The following ANO1 variants were observed in gnomAD, a reference collection of about 807,000 sequenced individuals.
The protein encoded by ANO1 is anoctamin-1.
In ANO1, 59 loss-of-function variants were observed where a neutral mutation model predicts 124.0. The ratio of observed to expected loss-of-function variants is 0.48; its 90% CI spans 0.39 to 0.59. The LOEUF is 0.59. ANO1 is among the 20% of genes least tolerant of loss of function. The pLI is 0.00. For synonymous variants in ANO1, 529 were observed against 532.0 expected (o/e 0.99, Z 0.08); for missense variants, 1,059 against 1,328.0 (o/e 0.80, Z 3.15).
At chr11:70,160,113 T>G (rs1051983811) in intron 16 of ANO1, among the ~76,000 whole-genome samples, 1 of 152,100 alleles carries the variant, frequency 6.6e-6, no homozygotes, top group African/African-American at 2.4e-5. Flanking sequence ...TGGGCCTGCC[T>G]GTCCTGGGAG....
At chr11:70,185,483 G>T in intron 24 of ANO1, 107 bp from the exon 25 acceptor site, 1 of 991,924 alleles carries the variant, frequency 1.0e-6, no homozygotes, top group Non-Finnish European at 1.5e-6. Flanking sequence ...GGAGGCAGCC[G>T]CACACCAAGC....
At chr11:69,978,388 T>C in the ANO1 span, among the ~76,000 whole-genome samples, 4 of 152,160 alleles carry the variant, frequency 2.6e-5, no homozygotes, top group South Asian at 6.2e-4. Flanking sequence ...TCACTCCCGG[T>C]AGTGCAGGCT....
At chr11:69,975,369 C>T in the ANO1 span, among the ~76,000 whole-genome samples, 1 of 152,214 alleles carries the variant, frequency 6.6e-6, no homozygotes, top group African/African-American at 2.4e-5. Flanking sequence ...GCCTACTACG[C>T]CCTCCCTGTG....
intron 1 of ANO1, among the ~76,000 whole-genome samples, chr11:69,999,741 G>A (rs1026113848): frequency 8.5e-5 from 13 of 152,190 alleles, no homozygotes; most frequent in Admixed American, 8.5e-4. Context: ...AATGAATGAG[G>A]CATTTGTACT....
At chr11:70,135,343 C>A (rs1033525323) in intron 11 of ANO1, among the ~76,000 whole-genome samples, 2 of 152,224 alleles carry the variant, frequency 1.3e-5, no homozygotes, top group Admixed American at 6.5e-5. Context: ...TCATGCTATT[C>A]CCATGAGTTA....
intron 6 of ANO1, chr11:70,111,108 T>C (rs1277962250): frequency 6.6e-6 from 3 of 456,572 alleles, no homozygotes; most frequent in South Asian, 4.6e-5. Context: ...ACCTCACTAA[T>C]AGCCAATGTA....
chr11:70,172,415 C>T (rs1023958991), intron 22 of ANO1, among the ~76,000 whole-genome samples: 1 of 152,154 alleles, frequency 6.6e-6, no homozygotes, highest in Non-Finnish European at 1.5e-5. Context: ...TCAAATTTAA[C>T]ACAATTTTAG....
At chr11:70,103,605 A>G (rs1343167804) in intron 3 of ANO1, among the ~76,000 whole-genome samples, 1 of 152,212 alleles carries the variant, frequency 6.6e-6, no homozygotes, top group Non-Finnish European at 1.5e-5. Context: ...GTATCTAAAA[A>G]GCAGTTTGAC....
Position 70,019,237 on chromosome 11 carries a change from A to AC in ANO1, c.58+33078dup, listed in dbSNP as rs200316253. Among the ~76,000 whole-genome samples the AC allele has an allele frequency of 1.7e-3, 119 of 68,724 alleles. 3 individuals carry two copies. Among genetic ancestry groups the AC allele is most frequent in the African/African-American group, 4.8e-3 (102 of 21,186 alleles). The allele number at this position is 68,724 out of a possible 152,430, so 45.1% of individuals were successfully genotyped here. On this transcript the variant is annotated intron_variant, in intron 1 of 27. Coordinates refer to the ANO1 transcript ENST00000531349. Reference sequence around the variant, plus strand: ...TGGGATGCAGGGGAGGGAAAGAAGAACCCCCCCACACACACACACACACAC... The same window carrying AC: ...TGGGATGCAGGGGAGGGAAAGAAGAACCCCCCCCACACACACACACACACAC...
rs1555008734 is a variant in ANO1, at chr11:70,067,323, G to GGTTTTTTTTT, written c.59-11219_59-11218insGTTTTTTTTT. Among the ~76,000 whole-genome samples the GGTTTTTTTTT allele has an allele frequency of 1.6e-5, 2 of 126,536 alleles. 1 individual carries two copies. The allele number at this position is 126,536 out of a possible 152,430, so 83.0% of individuals were successfully genotyped here. ...TCCAAGGGGACAAGGAATCGTGGGT[G>GGTTTTTTTTT]TTTTTTTTTTTTTTTTTTTTTTGAG... On this transcript the variant is annotated intron_variant, in intron 1 of 27. Transcript: ENST00000531349.
chr11:70,065,411 C>T (rs1422682499), intron 1 of ANO1: 1 of 152,328 alleles, frequency 6.6e-6, no homozygotes, highest in Non-Finnish European at 1.5e-5. Flanking sequence ...CTCGCTGAAT[C>T]CAGGAGCAGC....
intron 8 of ANO1, among the ~76,000 whole-genome samples, chr11:70,123,008 G>A (rs947446292): frequency 2.0e-5 from 3 of 152,198 alleles, no homozygotes; most frequent in African/African-American, 4.8e-5. Flanking sequence ...ACGCACTGAT[G>A]CAGAAACACC....
At chr11:69,977,678 G>A in the ANO1 span, among the ~76,000 whole-genome samples, 779 of 152,278 alleles carry the variant, frequency 5.1e-3, 7 homozygotes, top group African/African-American at 0.018. Flanking sequence ...CTGGGGACAC[G>A]GACTTACCCT....
intron 2 of ANO1, among the ~76,000 whole-genome samples, chr11:70,093,242 A>C (rs1163946596): frequency 3.2e-3 from 262 of 80,838 alleles, no homozygotes; most frequent in African/African-American, 4.7e-3. Flanking sequence ...CCTCTTTTTC[A>C]CTCTACCCCC....
chr11:69,989,322 C>A (rs782069034), intron 1 of ANO1, among the ~76,000 whole-genome samples: 2 of 152,204 alleles, frequency 1.3e-5, no homozygotes, highest in Non-Finnish European at 2.9e-5. Flanking sequence ...CTTTCACCCA[C>A]AGAGCTATTG....
In ANO1 at chr11:70,088,037, G is replaced by A. The variant is rs868840034; in HGVS notation, c.394G>A (p.Glu132Lys). 1 of 1,479,212 alleles carries A rather than the reference G, an allele frequency of 6.8e-7. No individual in the cohort carries two copies. The highest frequency in any genetic ancestry group is 9.0e-7 in the Non-Finnish European group (1 of 1,113,162). 91.6% of individuals were successfully genotyped at this position (1,479,212 alleles called of 1,614,324 possible). A position where few individuals can be genotyped will look rare whatever the true frequency, so the allele number is the denominator to read the frequency against. The change falls in exon 2 of 26, where the codon GAG becomes AAG. Residue 132 changes from glutamate (E) to lysine (K), a missense_variant. By Grantham distance (56) the Glu-to-Lys change is moderately conservative. Around this residue, in one of 2 missense-constraint regions of ANO1, gnomAD observed 250 missense variants for 233.1 expected, o/e 1.07. Coordinates refer to ENST00000355303, the MANE Select transcript of ANO1 (RefSeq NM_018043.7). ...DDKRFRREEY[E>K]GNLLEAGLEL... is the part of the protein sequence containing the mutation. ...CAAGCGCTTCCGCAGGGAGGAGTAC[G>A]AGGGCAACCTCCTGGAGGCGGGCCT...
rs2049206931 is a variant in ANO1 at position 70,188,014 on chromosome 11, CGGGGCTGGGCAGGCCAGCCG to C, written c.*13_*32del. The C allele has an allele frequency of 6.4e-6, 10 of 1,551,510 alleles. No homozygotes were observed. The African/African-American group carries it at 6.8e-5, about 11-fold the overall frequency. On this transcript the variant is annotated 3_prime_UTR_variant, in exon 26 of 26. Transcript: ENST00000355303. Reference sequence around the variant, plus strand: ...CGGGGGCGTCCTGTAGCTATGCCAGCGGGGCTGGGCAGGCCAGCCGGGCATCCTGACCGATGGGCACCCTC... The same window carrying C: ...CGGGGGCGTCCTGTAGCTATGCCAGCGGCATCCTGACCGATGGGCACCCTC...
At chr11:70,008,154 T>C (rs1479188073) in intron 1 of ANO1, among the ~76,000 whole-genome samples, 1 of 152,222 alleles carries the variant, frequency 6.6e-6, no homozygotes. Flanking sequence ...ATATATTAGA[T>C]ATTAATCCCT....
chr11:70,185,808 C>T (rs7115648), intron 25 of ANO1, 113 bp downstream of exon 25: 115 of 1,159,278 alleles, frequency 9.9e-5, no homozygotes, highest in Non-Finnish European at 9.9e-5. Context: ...AGAGACTCCT[C>T]CAGAGGCTTG....
Sources: gnomAD v4.1 joint callset for allele counts (sites outside exome capture counted in the v4.1 genomes callset) on GRCh38, gnomAD v4.1.1 for gene constraint, gnomAD v4.1.1 regional missense constraint, MANE v1.5 for transcripts, NCBI Gene and HGNC (gene_info 2026-07-23, HGNC 2026-07-21) for gene names.